The following CFAP99 variants were observed in gnomAD, a reference collection of about 807,000 sequenced individuals.
The protein encoded by CFAP99 is cilia- and flagella-associated protein 99.
CFAP99 carries 84 observed loss-of-function variants against 82.7 expected under a neutral mutation model. The ratio of observed to expected loss-of-function variants is 1.02; its 90% CI spans 0.85 to 1.22. The LOEUF (loss-of-function observed/expected upper bound fraction) is 1.22, where lower values mean the gene tolerates loss of function less well. CFAP99 is among the 50% of genes most tolerant of loss of function. CFAP99 has a pLI of 0.00. For missense variants in CFAP99, 1,059 were observed against 983.5 expected (o/e 1.08, Z -1.03); for synonymous variants, 456 against 429.5 (o/e 1.06, Z -0.76).
At chr4:2,419,415 T>C (rs923935171) in intron 1 of CFAP99, among the ~76,000 whole-genome samples, 23 of 152,112 alleles carry the variant, frequency 1.5e-4, no homozygotes, top group African/African-American at 5.3e-4. Flanking sequence ...TCACTTAAAC[T>C]TCCCATTGAC....
chr4:2,431,771 C>T (rs937146102), intron 2 of CFAP99, among the ~76,000 whole-genome samples: 1 of 151,894 alleles, frequency 6.6e-6, no homozygotes, highest in Non-Finnish European at 1.5e-5. Context: ...CACTCCCTCA[C>T]CTAGGTTGCA....
chr4:2,458,103 C>T (rs1446688176), intron 11 of CFAP99, among the ~76,000 whole-genome samples: 7 of 152,210 alleles, frequency 4.6e-5, no homozygotes, highest in African/African-American at 1.7e-4. Context: ...GGCGCCCAGC[C>T]GTCTCCCTGT....
chr4:2,441,230 G>C (rs535338156), intron 4 of CFAP99, among the ~76,000 whole-genome samples: 1 of 151,486 alleles, frequency 6.6e-6, no homozygotes, highest in Admixed American at 6.6e-5. Context: ...AAAATTAGCC[G>C]GTCATGGTGG....
At chr4:2,433,779 G>A (rs918404424) in intron 2 of CFAP99, among the ~76,000 whole-genome samples, 1 of 152,248 alleles carries the variant, frequency 6.6e-6, no homozygotes, top group East Asian at 1.9e-4. Context: ...CCTCACAGCC[G>A]TGGGGCGAGT....
intron 1 of CFAP99, among the ~76,000 whole-genome samples, chr4:2,420,756 TA>T (rs59060573): frequency 0.02 from 3,114 of 152,298 alleles, 107 homozygotes; most frequent in African/African-American, 0.069. Context: ...ATGGCAGCCC[TA>T]AAGTCCTCAA....
At chr4:2,444,012 T>C (rs1165048343) in intron 5 of CFAP99, among the ~76,000 whole-genome samples, 1 of 152,074 alleles carries the variant, frequency 6.6e-6, no homozygotes, top group Non-Finnish European at 1.5e-5. Context: ...AGCAGACCAC[T>C]TAGGTGCCAG....
chr4:2,451,457 C>G, intron 10 of CFAP99, 105 bp downstream of exon 10: 1 of 1,052,352 alleles, frequency 9.5e-7, no homozygotes, highest in Middle Eastern at 3.0e-4. Context: ...GAGAGGGACT[C>G]GGGGGTCACA....
rs190761958 is a variant in CFAP99, at chr4:2,446,591, T to A, written c.642+1283T>A. Among the ~76,000 whole-genome samples the A allele has an allele frequency of 7.2e-4, 109 of 152,128 alleles. No individual in the cohort carries two copies. The highest frequency in any genetic ancestry group is 2.5e-3 in the African/African-American group (103 of 41,508). On this transcript the variant is annotated intron_variant, in intron 6 of 14. Transcript: ENST00000635017. This position sits in a 1 kb window ranked among gnomAD's most constrained non-coding sequence, Gnocchi z 5.0. ...TATTTTTAGTAGAGGTAGGGTTTTG[T>A]CATGTTGGCCGGGCTGGTCCCTAAC...
At position 2,462,588 on chromosome 4, in the gene CFAP99, G is replaced by A; in HGVS notation, c.1807G>A (p.Ala603Thr). Reference sequence around the variant, plus strand: ...GCTGCACGTGTCGGCGCCGCGGACCGCGCGCCCCAAGCCCCGGGTGAGTCC... The same window carrying A: ...GCTGCACGTGTCGGCGCCGCGGACCACGCGCCCCAAGCCCCGGGTGAGTCC... The change falls in exon 15 of 15, where the codon GCG becomes ACG. Residue 603 changes from alanine to threonine, a missense_variant. Transcript: ENST00000635017. The surrounding 1 kb of genome is among the most constrained non-coding windows in gnomAD (Gnocchi z 4.1). The A allele has an allele frequency of 2.1e-6, 3 of 1,426,598 alleles. No homozygotes were observed. The highest frequency in any genetic ancestry group is 1.5e-5 in the African/African-American group (1 of 67,122). 88.4% of individuals were successfully genotyped at this position (1,426,598 alleles called of 1,614,324 possible). A position where few individuals can be genotyped will look rare whatever the true frequency, so the allele number is the denominator to read the frequency against.
At chr4:2,436,601 C>T (rs573236567) in intron 2 of CFAP99, among the ~76,000 whole-genome samples, 4 of 152,232 alleles carry the variant, frequency 2.6e-5, no homozygotes, top group South Asian at 4.2e-4. Context: ...TAGCTGGAAC[C>T]GCACAGTACT....
chr4:2,426,819 A>T (rs909436464), intron 2 of CFAP99: 5 of 527,200 alleles, frequency 9.5e-6, no homozygotes, highest in South Asian at 8.1e-5. Context: ...CCGGGATATG[A>T]CATCCACACT....
chr4:2,458,900 C>G (rs1734503704), intron 12 of CFAP99, 36 bp downstream of exon 12: 1 of 1,514,460 alleles, frequency 6.6e-7, no homozygotes, highest in Non-Finnish European at 8.8e-7. Context: ...CCCTACCCCG[C>G]TCTTCCCCAC....
intron 11 of CFAP99, among the ~76,000 whole-genome samples, chr4:2,454,002 T>G (rs969509153): frequency 1.3e-5 from 2 of 150,390 alleles, no homozygotes; most frequent in Middle Eastern, 3.4e-3. Flanking sequence ...TGGTTTTTGG[T>G]TTTTTTTTCT....
intron 1 of CFAP99, among the ~76,000 whole-genome samples, chr4:2,422,110 G>A (rs867861112): frequency 3.9e-5 from 6 of 152,210 alleles, no homozygotes; most frequent in South Asian, 2.1e-4. Flanking sequence ...GAAAGCAGGC[G>A]TCACAGTTGG....
intron 14 of CFAP99, among the ~76,000 whole-genome samples, chr4:2,460,750 GTTTT>G (rs1235527486): frequency 6.6e-6 from 1 of 152,024 alleles, no homozygotes; most frequent in African/African-American, 2.4e-5. Flanking sequence ...ACTGTTTTTT[GTTTT>G]TGTTTTTGTT....
intron 11 of CFAP99, among the ~76,000 whole-genome samples, chr4:2,455,518 C>A (rs1387778395): frequency 1.3e-5 from 2 of 151,454 alleles, no homozygotes; most frequent in Non-Finnish European, 2.9e-5. Context: ...ACTAAAAAAA[C>A]AAACAAACAA....
In CFAP99 at chr4:2,462,417, C is replaced by T; in HGVS notation, c.1662-26C>T. 1 of 1,409,118 alleles carries T rather than the reference C, an allele frequency of 7.1e-7. No individual in the cohort carries two copies. Among genetic ancestry groups the T allele is most frequent in the South Asian group, 1.5e-5 (1 of 64,526 alleles). 87.3% of individuals were successfully genotyped at this position (1,409,118 alleles called of 1,614,324 possible). Reference sequence around the variant, plus strand: ...GGCCTGGGCCTCCCGCCGGCCTGCTCCTGAGCCCGCCGCGTCGCCCGCCAG... The same window carrying T: ...GGCCTGGGCCTCCCGCCGGCCTGCTTCTGAGCCCGCCGCGTCGCCCGCCAG... On this transcript the variant is annotated intron_variant, in intron 14 of 14. Transcript: ENST00000635017. This position sits in a 1 kb window ranked among gnomAD's most constrained non-coding sequence, Gnocchi z 4.1.
intron 1 of CFAP99, among the ~76,000 whole-genome samples, chr4:2,425,766 G>A (rs1733669454): frequency 6.6e-6 from 1 of 152,140 alleles, no homozygotes; most frequent in African/African-American, 2.4e-5. Context: ...CTGGTTCCCA[G>A]GGTCCCAGCC....
intron 1 of CFAP99, among the ~76,000 whole-genome samples, chr4:2,421,101 TG>T (rs1175414025): frequency 6.6e-6 from 1 of 152,238 alleles, no homozygotes; most frequent in African/African-American, 2.4e-5. Flanking sequence ...AGCTGCCACG[TG>T]GGGTTGTGCT....
Sources: gnomAD v4.1 joint callset for allele counts (sites outside exome capture counted in the v4.1 genomes callset) on GRCh38, gnomAD v4.1.1 for gene constraint, Gnocchi (gnomAD v3.1) non-coding constraint, MANE v1.5 for transcripts, NCBI Gene and HGNC (gene_info 2026-07-23, HGNC 2026-07-21) for gene names.